EML5: variants seen among roughly 807,000 people sequenced by gnomAD.
EML5 encodes echinoderm microtubule-associated protein-like 5.
Under a neutral mutation model 250.0 loss-of-function variants are expected in EML5, and 120 were observed. That is an observed-to-expected ratio of 0.48 (90% confidence interval 0.41 to 0.56). EML5 has a LOEUF of 0.56. EML5 is among the 20% of genes least tolerant of loss of function. The pLI is 0.00. For missense variants in EML5, 2,006 were observed against 2,437.6 expected (o/e 0.82, Z 3.73); for synonymous variants, 771 against 806.5 (o/e 0.96, Z 0.75).
At chr14:88,684,031 A>G (rs912025805) in intron 20 of EML5, among the ~76,000 whole-genome samples, 7 of 152,016 alleles carry the variant, frequency 4.6e-5, no homozygotes, top group Non-Finnish European at 1.0e-4. Flanking sequence ...GTGTATTTAC[A>G]GATGACATAA....
At chr14:88,705,191 C>G (rs1281658690) in intron 12 of EML5, among the ~76,000 whole-genome samples, 1 of 151,894 alleles carries the variant, frequency 6.6e-6, no homozygotes, top group African/African-American at 2.4e-5. Flanking sequence ...ACATAGTGTT[C>G]CAGGAAATTT....
rs747312826 is a variant in EML5 at position 88,625,139 on chromosome 14, T to G, written c.4741-12A>C. 1 of 1,612,340 alleles carries G rather than the reference T, an allele frequency of 6.2e-7. No homozygotes were observed. Among genetic ancestry groups the G allele is most frequent in the Non-Finnish European group, 8.5e-7 (1 of 1,179,346 alleles). Reference sequence around the variant, plus strand: ...AACGTCAAGTTATTCTGAAAAGGAGTGGGGGAGGGGGAGACAAACTCATCA... The same window carrying G: ...AACGTCAAGTTATTCTGAAAAGGAGGGGGGGAGGGGGAGACAAACTCATCA... On this transcript the variant is annotated splice_polypyrimidine_tract_variant and intron_variant, in intron 35 of 43. Transcript: ENST00000554922.
chr14:88,648,852 T>C (rs897326920), intron 28 of EML5, among the ~76,000 whole-genome samples: 47 of 152,032 alleles, frequency 3.1e-4, no homozygotes, highest in African/African-American at 1.1e-3. Context: ...ATTTTAGAGG[T>C]TGCTTCATAC....
At chr14:88,768,094 T>G (rs1462384939) in intron 1 of EML5, among the ~76,000 whole-genome samples, 1 of 152,158 alleles carries the variant, frequency 6.6e-6, no homozygotes, top group Non-Finnish European at 1.5e-5. Context: ...TTTGTCATGG[T>G]TTCTCATGAT....
At chr14:88,777,964 C>T (rs950836937) in intron 1 of EML5, among the ~76,000 whole-genome samples, 5 of 152,226 alleles carry the variant, frequency 3.3e-5, no homozygotes, top group Non-Finnish European at 5.9e-5. Flanking sequence ...AAAAGAGTGA[C>T]ATCCTGTCTC....
chr14:88,631,491 G>A (rs1214886127), intron 33 of EML5, among the ~76,000 whole-genome samples: 4 of 152,162 alleles, frequency 2.6e-5, no homozygotes, highest in Non-Finnish European at 4.4e-5. Flanking sequence ...TAAGATTGCC[G>A]GGCACGGTGG....
At chr14:88,672,845 T>C (rs903269532) in intron 21 of EML5, among the ~76,000 whole-genome samples, 1 of 152,106 alleles carries the variant, frequency 6.6e-6, no homozygotes, top group East Asian at 1.9e-4. Flanking sequence ...CAGGAAGAAG[T>C]TGAATCCCTG....
chr14:88,733,765 G>C (rs1269869607), intron 7 of EML5, among the ~76,000 whole-genome samples: 1 of 152,112 alleles, frequency 6.6e-6, no homozygotes, highest in Non-Finnish European at 1.5e-5. Flanking sequence ...AAACAATTAG[G>C]TTGAGTCCCC....
intron 25 of EML5, among the ~76,000 whole-genome samples, chr14:88,659,680 G>A (rs925014819): frequency 6.6e-6 from 1 of 152,184 alleles, no homozygotes. Flanking sequence ...CATCTGGAAC[G>A]CTGGAAGTGA....
intron 1 of EML5, among the ~76,000 whole-genome samples, chr14:88,779,995 G>A (rs2094481580): frequency 6.6e-6 from 1 of 152,040 alleles, no homozygotes; most frequent in Admixed American, 6.5e-5. Context: ...TGTTGCCCAG[G>A]ATGGAGTACA....
At position 88,744,029 on chromosome 14, in the gene EML5, A is replaced by G. The variant is rs2093967558; in HGVS notation, c.519T>C (p.His173=). The G allele has an allele frequency of 1.3e-6, 2 of 1,563,780 alleles. No individual in the cohort carries two copies. The highest frequency in any genetic ancestry group is 2.7e-5 in the African/African-American group (2 of 74,050). ...PNKLVSCGVK[H]IKFWSLCGNA... is the part of the protein sequence containing the mutation. ...AACAAGACCCTTCTAGTACCTTGAT[A>G]TGTTTTACACCACAGCTGACAAGTT... is the stretch of plus-strand genomic sequence containing the variant. Residue 173 remains histidine, a synonymous_variant, in exon 4 of 44, where the codon CAT becomes CAC. Coordinates refer to ENST00000554922, the MANE Select transcript of EML5 (RefSeq NM_183387.3).
intron 41 of EML5, chr14:88,617,083 AG>A (rs1462948063): frequency 2.2e-6 from 1 of 452,992 alleles, no homozygotes; most frequent in Non-Finnish European, 3.9e-6. Flanking sequence ...TATAATTTGA[AG>A]GGTTTCTAGA....
intron 43 of EML5, 35 bp downstream of exon 43, chr14:88,616,105 CAT>C (rs1272383487): frequency 1.3e-6 from 2 of 1,598,452 alleles, no homozygotes; most frequent in Non-Finnish European, 1.7e-6. Flanking sequence ...TAACTAGTAA[CAT>C]AGTCTGCTCT....
intron 12 of EML5, among the ~76,000 whole-genome samples, 180 bp from the exon 13 acceptor site, chr14:88,705,158 A>G (rs757327923): frequency 3.9e-5 from 6 of 152,172 alleles, no homozygotes; most frequent in Admixed American, 6.6e-5. Context: ...CACATTTTCT[A>G]CATATCACAC....
chr14:88,789,032 T>C (rs1341943249), intron 1 of EML5, among the ~76,000 whole-genome samples: 6 of 150,986 alleles, frequency 4.0e-5, no homozygotes, highest in African/African-American at 9.8e-5. Flanking sequence ...CATTGCACTA[T>C]AGCCTGTGTG....
intron 10 of EML5, among the ~76,000 whole-genome samples, chr14:88,708,163 T>A (rs767664057): frequency 3.9e-5 from 6 of 152,156 alleles, no homozygotes; most frequent in Non-Finnish European, 8.8e-5. Flanking sequence ...GAAACCAGTA[T>A]TTTTAGTCAA....
intron 27 of EML5, among the ~76,000 whole-genome samples, chr14:88,650,190 T>A (rs150432310): frequency 1.3e-5 from 2 of 152,190 alleles, no homozygotes; most frequent in Non-Finnish European, 2.9e-5. Context: ...AGGTGGCTCA[T>A]GCCTGTAATC....
chr14:88,739,168 A>C (rs1013554579), intron 5 of EML5, among the ~76,000 whole-genome samples, 154 bp from the exon 6 acceptor site: 2 of 152,270 alleles, frequency 1.3e-5, no homozygotes, highest in African/African-American at 4.8e-5. Flanking sequence ...ATCTAGAAGT[A>C]AGTCCATAAG....
chr14:88,665,625 A>G lies in EML5; in HGVS notation c.3125-136T>C, dbSNP rs2092285038. 5 of 1,135,954 alleles carry G rather than the reference A, an allele frequency of 4.4e-6. No individual in the cohort carries two copies. In the South Asian group the frequency reaches 7.9e-5, roughly 18 times the overall value. The allele number at this position is 1,135,954 out of a possible 1,614,324, so 70.4% of individuals were successfully genotyped here. ...GAGGACTGCCCGCGGCCAGGAGGTT[A>G]AGACCAGCCCGGGCAACATAGCAAG... On this transcript the variant is annotated intron_variant, in intron 21 of 43. Coordinates refer to ENST00000554922, the MANE Select transcript of EML5 (RefSeq NM_183387.3).
Sources: gnomAD v4.1 joint callset for allele counts (sites outside exome capture counted in the v4.1 genomes callset) on GRCh38, gnomAD v4.1.1 for gene constraint, MANE v1.5 for transcripts, NCBI Gene and HGNC (gene_info 2026-07-23, HGNC 2026-07-21) for gene names.